The following FGF14 variants were observed in gnomAD, a reference collection of about 807,000 sequenced individuals.
FGF14 encodes fibroblast growth factor 14.
A neutral mutation model predicts 25.5 loss-of-function variants in FGF14; 5 were observed. The ratio of observed to expected loss-of-function variants is 0.20; its 90% CI spans 0.10 to 0.41. The LOEUF (loss-of-function observed/expected upper bound fraction) is 0.41. Ranked by LOEUF, FGF14 falls within the 10% of genes least tolerant of loss-of-function variation. The probability of loss-of-function intolerance (pLI) is 1.00; values close to 1 mark genes in which losing one functional copy is unlikely to be tolerated. For missense variants in FGF14, 222 were observed against 320.1 expected (o/e 0.69, Z 2.34); for synonymous variants, 138 against 118.3 (o/e 1.17, Z -1.08).
chr13:101,825,795 T>C (rs1365028411), intron 3 of FGF14, among the ~76,000 whole-genome samples: 16 of 152,158 alleles, frequency 1.1e-4, no homozygotes, highest in Admixed American at 1.0e-3. Context: ...AAGGTGGTCA[T>C]GCACTTAACT....
intron 1 of FGF14, among the ~76,000 whole-genome samples, chr13:102,006,341 C>A (rs1017502445): frequency 3.3e-5 from 5 of 152,166 alleles, no homozygotes; most frequent in African/African-American, 7.2e-5. Context: ...TGAAGAACAG[C>A]AGGTGTTACT....
chr13:101,875,660 G>T (rs981696789), intron 1 of FGF14, among the ~76,000 whole-genome samples: 1 of 152,010 alleles, frequency 6.6e-6, no homozygotes, highest in South Asian at 2.1e-4. Context: ...TTGCAAACTG[G>T]TGACTCTCAG....
rs541289370 is a variant in FGF14, at chr13:101,803,060, G to T, written c.408+65665C>A. 3.3e-5 allele frequency among the ~76,000 whole-genome samples: 5 copies of T among 151,918 alleles called. No homozygotes were observed. In the South Asian group the frequency reaches 1.0e-3, roughly 32 times the overall value. On this transcript the variant is annotated intron_variant, in intron 3 of 4. Transcript: ENST00000376143. ...GCATTCTGCTGCCATTCTTTGCTCT[G>T]GACAAAGGGGGTCAGCTGGCGTGAA...
At chr13:101,761,510 G>C (rs938732416) in intron 3 of FGF14, among the ~76,000 whole-genome samples, 1 of 152,174 alleles carries the variant, frequency 6.6e-6, no homozygotes, top group African/African-American at 2.4e-5. Context: ...CTACTGTTCT[G>C]AGGCATGCAG....
chr13:101,824,409 C>T (rs1488296974), intron 3 of FGF14, among the ~76,000 whole-genome samples: 1 of 152,178 alleles, frequency 6.6e-6, no homozygotes, highest in Non-Finnish European at 1.5e-5. Flanking sequence ...TTTTCACCAG[C>T]TTGCTCAGCC....
intron 1 of FGF14, among the ~76,000 whole-genome samples, chr13:102,398,999 A>G (rs141994410): frequency 1.0e-3 from 158 of 151,930 alleles, no homozygotes; most frequent in African/African-American, 3.6e-3. Context: ...ATGTTCTTAG[A>G]TACACTTTGA....
intron 1 of FGF14, among the ~76,000 whole-genome samples, chr13:101,888,529 A>G (rs73563247): frequency 1.6e-4 from 25 of 152,262 alleles, no homozygotes; most frequent in African/African-American, 5.3e-4. Flanking sequence ...AGGTAATTCA[A>G]TATGATTCCT....
At chr13:102,201,381 G>T (rs1004961998) in intron 1 of FGF14, among the ~76,000 whole-genome samples, 1 of 152,028 alleles carries the variant, frequency 6.6e-6, no homozygotes, top group African/African-American at 2.4e-5. Context: ...CACAGGAAAA[G>T]AGAAAGAGAA....
intron 1 of FGF14, among the ~76,000 whole-genome samples, chr13:101,994,162 T>A (rs1389351876): frequency 6.6e-6 from 1 of 152,052 alleles, no homozygotes; most frequent in Non-Finnish European, 1.5e-5. Flanking sequence ...CATGTGTTTA[T>A]GTGCAAATAA....
At chr13:102,269,206 T>C (rs184661392) in intron 1 of FGF14, among the ~76,000 whole-genome samples, 98 of 152,302 alleles carry the variant, frequency 6.4e-4, no homozygotes, top group African/African-American at 2.3e-3. Flanking sequence ...ACTGGACATA[T>C]GCAAATTCAA....
intron 1 of FGF14, among the ~76,000 whole-genome samples, chr13:102,388,771 C>T (rs557174815): frequency 6.6e-6 from 1 of 152,174 alleles, no homozygotes; most frequent in Non-Finnish European, 1.5e-5. Flanking sequence ...CCCCTCCCCA[C>T]AATCAGTTAT....
chr13:102,311,159 A>T (rs2055746322), intron 1 of FGF14, among the ~76,000 whole-genome samples: 1 of 152,124 alleles, frequency 6.6e-6, no homozygotes, highest in Non-Finnish European at 1.5e-5. Flanking sequence ...CCAAGGGAAG[A>T]GGTTATTTCT....
At chr13:101,869,738 A>C (rs2044942699) in intron 2 of FGF14, among the ~76,000 whole-genome samples, 1 of 152,206 alleles carries the variant, frequency 6.6e-6, no homozygotes, top group Non-Finnish European at 1.5e-5. Context: ...AAAGCACTAA[A>C]ATAGTGATGT....
At chr13:102,265,172 C>T (rs2141134740) in intron 1 of FGF14, among the ~76,000 whole-genome samples, 1 of 152,086 alleles carries the variant, frequency 6.6e-6, no homozygotes, top group East Asian at 1.9e-4. Context: ...ATCAAAACTT[C>T]CCTCCAAAAC....
At chr13:102,004,728 G>T (rs2039689339) in intron 1 of FGF14, among the ~76,000 whole-genome samples, 1 of 152,152 alleles carries the variant, frequency 6.6e-6, no homozygotes. Flanking sequence ...CAGGTCATGG[G>T]AGGCATCCGA....
At position 102,202,338 on chromosome 13, in the gene FGF14, T is replaced by C. The variant is rs557026856; in HGVS notation, c.208+199133A>G. ...CCAAGGGCCTATAAGGATGCGGTCA[T>C]TGATGAGAAGAAGTGGTATGGAAGT... On this transcript the variant is annotated intron_variant, in intron 1 of 4. Transcript: ENST00000376131. Among the ~76,000 whole-genome samples the C allele has an allele frequency of 3.8e-4, 58 of 152,286 alleles. 1 individual carries two copies. The highest frequency in any genetic ancestry group is 3.4e-3 in the Middle Eastern group (1 of 294).
chr13:101,806,938 CT>C (rs1052466495), intron 3 of FGF14, among the ~76,000 whole-genome samples: 2 of 152,054 alleles, frequency 1.3e-5, no homozygotes, highest in African/African-American at 4.8e-5. Flanking sequence ...CTCAGAGTGA[CT>C]TTTTTTCATT....
chr13:101,825,243 G>T (rs1594387508), intron 3 of FGF14, among the ~76,000 whole-genome samples: 2 of 152,274 alleles, frequency 1.3e-5, no homozygotes, highest in Non-Finnish European at 2.9e-5. Flanking sequence ...CTAACTCCAG[G>T]CAGATAGTGT....
intron 1 of FGF14, among the ~76,000 whole-genome samples, chr13:102,212,756 A>C (rs1287730482): frequency 2.6e-5 from 4 of 152,196 alleles, no homozygotes; most frequent in African/African-American, 9.6e-5. Context: ...AAATTTACAG[A>C]TATCCTGACA....
Sources: gnomAD v4.1 joint callset for allele counts (sites outside exome capture counted in the v4.1 genomes callset) on GRCh38, gnomAD v4.1.1 for gene constraint, MANE v1.5 for transcripts, NCBI Gene and HGNC (gene_info 2026-07-23, HGNC 2026-07-21) for gene names.